SLC2A13: variants seen among roughly 807,000 people sequenced by gnomAD.
SLC2A13 encodes the protein proton myo-inositol cotransporter.
Under a neutral mutation model 64.4 loss-of-function variants are expected in SLC2A13, and 32 were observed. The ratio of observed to expected loss-of-function variants is 0.50; its 90% CI spans 0.37 to 0.67. SLC2A13 has a LOEUF of 0.67. Among genes scored for constraint, SLC2A13 ranks in the 30% least tolerant of loss-of-function variants. SLC2A13 has a pLI of 0.00. For synonymous variants in SLC2A13, 338 were observed against 327.1 expected, an observed-to-expected ratio of 1.03 and a Z score of -0.36; for missense variants, 743 against 829.2, an observed-to-expected ratio of 0.90 and a Z score of 1.28.
intron 1 of SLC2A13, among the ~76,000 whole-genome samples, chr12:40,102,017 C>T (rs12582911): frequency 6.6e-6 from 1 of 152,188 alleles, no homozygotes; most frequent in Admixed American, 6.5e-5. Flanking sequence ...ACATCATCTG[C>T]TGAACACCTA....
At chr12:40,089,189 G>A (rs990642635) in intron 1 of SLC2A13, among the ~76,000 whole-genome samples, 10 of 152,200 alleles carry the variant, frequency 6.6e-5, no homozygotes, top group African/African-American at 1.2e-4. Context: ...GGTCATCTCC[G>A]TACTTTATAA....
At chr12:39,814,454 C>T (rs1942282359) in intron 7 of SLC2A13, among the ~76,000 whole-genome samples, 1 of 152,170 alleles carries the variant, frequency 6.6e-6, no homozygotes, top group Non-Finnish European at 1.5e-5. Flanking sequence ...AAGTAACACA[C>T]TGGCTCACTA....
At chr12:40,014,865 A>C (rs187152070) in intron 3 of SLC2A13, among the ~76,000 whole-genome samples, 55 of 152,280 alleles carry the variant, frequency 3.6e-4, no homozygotes, top group Non-Finnish European at 7.2e-4. Flanking sequence ...AGATCCAGCC[A>C]ATTTTTATTT....
At chr12:40,001,766 C>T (rs570968425) in intron 3 of SLC2A13, among the ~76,000 whole-genome samples, 40 of 152,274 alleles carry the variant, frequency 2.6e-4, no homozygotes, top group South Asian at 2.5e-3. Context: ...TGCATAATCA[C>T]AAAGTGAATT....
chr12:39,822,541 C>G (rs923290017), intron 7 of SLC2A13, among the ~76,000 whole-genome samples: 1 of 152,202 alleles, frequency 6.6e-6, no homozygotes, highest in Admixed American at 6.5e-5. Context: ...CCAAGCTCCC[C>G]AGACTTCATC....
At chr12:39,958,903 G>T in intron 3 of SLC2A13, among the ~76,000 whole-genome samples, 1 of 152,036 alleles carries the variant, frequency 6.6e-6, no homozygotes, top group Non-Finnish European at 1.5e-5. Flanking sequence ...AGTGAATTAT[G>T]ATCTCTGTGC....
Position 39,764,641 on chromosome 12 carries a change from T to C in SLC2A13, c.1568-29A>G, listed in dbSNP as rs7305023. 4,241 of 1,580,770 alleles carry C rather than the reference T, an allele frequency of 2.7e-3. 90 individuals are homozygous for C. In the African/African-American group the frequency reaches 0.051, roughly 19 times the overall value. On this transcript the variant is annotated intron_variant, in intron 8 of 9. Coordinates refer to ENST00000280871, the MANE Select transcript of SLC2A13 (RefSeq NM_052885.4). ...AGAAATAAAACATTAAAAACTTTAGTAAAATAGCATGTAAGAAATTTGAAA... is the reference window on the plus strand; with the variant it reads ...AGAAATAAAACATTAAAAACTTTAGCAAAATAGCATGTAAGAAATTTGAAA...
intron 7 of SLC2A13, among the ~76,000 whole-genome samples, chr12:39,779,008 C>T (rs1003338924): frequency 2.0e-5 from 3 of 152,034 alleles, no homozygotes; most frequent in African/African-American, 4.8e-5. Context: ...AGAACCAGGA[C>T]GTAGGTAATA....
intron 6 of SLC2A13, among the ~76,000 whole-genome samples, chr12:39,853,577 T>TCTTC (rs779299351): frequency 4.0e-5 from 6 of 151,872 alleles, no homozygotes; most frequent in South Asian, 2.1e-4. Context: ...TTCCTTCCTT[T>TCTTC]CTTCCTTCCT....
At chr12:40,076,976 T>TG (rs1346865109) in intron 1 of SLC2A13, among the ~76,000 whole-genome samples, 1 of 152,174 alleles carries the variant, frequency 6.6e-6, no homozygotes, top group Non-Finnish European at 1.5e-5. Flanking sequence ...AAAGTGTTCA[T>TG]GTCCTTTGCC....
intron 6 of SLC2A13, chr12:39,835,853 G>A (rs1285448397): frequency 2.0e-5 from 3 of 152,166 alleles, no homozygotes; most frequent in Middle Eastern, 3.4e-3. Flanking sequence ...ATGAATTGAC[G>A]TAAATATATT....
chr12:39,998,511 T>C lies in SLC2A13; in HGVS notation c.925+29790A>G, dbSNP rs374072635. Among the ~76,000 whole-genome samples the C allele has an allele frequency of 2.0e-5, 3 of 152,220 alleles. No individual in the cohort carries two copies. In the East Asian group the frequency reaches 5.8e-4, roughly 29 times the overall value. On this transcript the variant is annotated intron_variant, in intron 3 of 9. Transcript: ENST00000280871. ...AGACATGGAGTCAAAGGAGATCATT[T>C]TGGAGCTTTAAATATTTGGCTGTCT...
At chr12:40,068,840 T>C (rs1224769431) in intron 1 of SLC2A13, among the ~76,000 whole-genome samples, 1 of 151,848 alleles carries the variant, frequency 6.6e-6, no homozygotes, top group African/African-American at 2.4e-5. Flanking sequence ...GTTTTTTTTT[T>C]CTCATCCACT....
chr12:40,099,676 G>T (rs949407844), intron 1 of SLC2A13, among the ~76,000 whole-genome samples: 3 of 152,132 alleles, frequency 2.0e-5, no homozygotes, highest in Admixed American at 1.3e-4. Context: ...ATACTACTAG[G>T]CAAACACAAC....
chr12:39,998,955 A>G (rs1343477255), intron 3 of SLC2A13, among the ~76,000 whole-genome samples: 1 of 152,142 alleles, frequency 6.6e-6, no homozygotes, highest in Non-Finnish European at 1.5e-5. Flanking sequence ...TTCTCCTGAG[A>G]GTAAATAAGT....
chr12:39,773,165 G>C (rs1210277828), intron 7 of SLC2A13, among the ~76,000 whole-genome samples: 1 of 152,100 alleles, frequency 6.6e-6, no homozygotes, highest in Non-Finnish European at 1.5e-5. Context: ...TCATGCTCTT[G>C]GATGTGGCAC....
chr12:40,083,886 T>G (rs889310030), intron 1 of SLC2A13, among the ~76,000 whole-genome samples: 1 of 152,212 alleles, frequency 6.6e-6, no homozygotes, highest in Non-Finnish European at 1.5e-5. Flanking sequence ...CAGCTGCATT[T>G]TGCATTATTT....
chr12:39,967,209 T>G (rs1190959725), intron 3 of SLC2A13, among the ~76,000 whole-genome samples: 1 of 152,218 alleles, frequency 6.6e-6, no homozygotes, highest in Non-Finnish European at 1.5e-5. Flanking sequence ...AAATAAAACT[T>G]GTTTCTACAT....
At chr12:39,884,538 G>A (rs144554699) in intron 4 of SLC2A13, among the ~76,000 whole-genome samples, 96 of 152,244 alleles carry the variant, frequency 6.3e-4, no homozygotes, top group Non-Finnish European at 1.1e-3. Context: ...GTCTCAATAA[G>A]ATGCAATTAA....
Sources: gnomAD v4.1 joint callset for allele counts (sites outside exome capture counted in the v4.1 genomes callset) on GRCh38, gnomAD v4.1.1 for gene constraint, MANE v1.5 for transcripts, NCBI Gene and HGNC (gene_info 2026-07-23, HGNC 2026-07-21) for gene names.